PIEZO2: variants seen among roughly 807,000 people sequenced by gnomAD.
PIEZO2 encodes piezo type mechanosensitive ion channel component 2, also known as piezo-type mechanosensitive ion channel component 2.
Under a neutral mutation model 337.3 loss-of-function variants are expected in PIEZO2, and 172 were observed. The ratio of observed to expected loss-of-function variants is 0.51; its 90% CI spans 0.45 to 0.58. PIEZO2 has a LOEUF of 0.58. PIEZO2 is among the 20% of genes least tolerant of loss of function. PIEZO2 has a pLI of 0.00. For synonymous variants in PIEZO2, 1,251 were observed against 1,228.5 expected, an observed-to-expected ratio of 1.02 and a Z score of -0.38; for missense variants, 3,028 against 3,391.3, an observed-to-expected ratio of 0.89 and a Z score of 2.66.
At position 10,931,985 on chromosome 18, in the gene PIEZO2, A is replaced by C. The variant is rs544264107; in HGVS notation, c.287-20757T>G. ...TCCCTTTACACATCCTTAGATACGG[A>C]TATATCTTTAGATCAAGACATAGTG... On this transcript the variant is annotated intron_variant, in intron 3 of 55. Transcript: ENST00000674853. Among the ~76,000 whole-genome samples the C allele has an allele frequency of 1.4e-3, 220 of 152,296 alleles. 2 individuals are homozygous for C. The highest frequency in any genetic ancestry group is 5.2e-3 in the African/African-American group (214 of 41,552).
rs1392720518 is a variant in PIEZO2 at position 10,759,623 on chromosome 18, T to G, written c.3656-40A>C. The G allele has an allele frequency of 6.5e-7, 1 of 1,534,936 alleles. No individual in the cohort carries two copies. The highest frequency in any genetic ancestry group is 8.7e-7 in the Non-Finnish European group (1 of 1,144,736). On this transcript the variant is annotated intron_variant, in intron 25 of 55. Transcript: ENST00000674853. This position sits in a 1 kb window ranked among gnomAD's most constrained non-coding sequence, Gnocchi z 5.5. Reference sequence around the variant, plus strand: ...GTGGCGAACAGCACAATCAATACTCTTCTTCACCACTCTTCTCCCAGCCGT... The same window carrying G: ...GTGGCGAACAGCACAATCAATACTCGTCTTCACCACTCTTCTCCCAGCCGT...
chr18:10,827,031 T>G (rs2040695658), intron 7 of PIEZO2, among the ~76,000 whole-genome samples: 1 of 152,186 alleles, frequency 6.6e-6, no homozygotes, highest in Non-Finnish European at 1.5e-5. Context: ...CACTCTGACC[T>G]ATGTTTATGT....
intron 5 of PIEZO2, 148 bp from the exon 6 acceptor site, chr18:10,857,359 G>A: frequency 1.5e-6 from 1 of 675,574 alleles, no homozygotes; most frequent in Non-Finnish European, 2.5e-6. Flanking sequence ...ATTCCCCTCA[G>A]GTCTCTGATA....
rs2041892073 is a variant in PIEZO2, at chr18:10,862,187, AC to A, written c.493-4977del. 6.6e-6 allele frequency among the ~76,000 whole-genome samples: 1 copy of A among 152,148 alleles called. No individual in the cohort carries two copies. Among genetic ancestry groups the A allele is most frequent in the Admixed American group, 6.5e-5 (1 of 15,272 alleles). On this transcript the variant is annotated intron_variant, in intron 5 of 55. Transcript: ENST00000674853. This position sits in a 1 kb window ranked among gnomAD's most constrained non-coding sequence, Gnocchi z 4.4. ...CATGTATCAAAATACCACATTATAT[AC>A]CCCATAAATATATATAATAGTTATT...
In PIEZO2 at chr18:10,894,758, T is replaced by C. The variant is rs1168378631; in HGVS notation, c.329+16428A>G. 1 of 152,270 alleles carries C rather than the reference T, an allele frequency of 6.6e-6. No homozygotes were observed. The highest frequency in any genetic ancestry group is 1.5e-5 in the Non-Finnish European group (1 of 68,062). 9.4% of individuals were successfully genotyped at this position (152,270 alleles called of 1,614,324 possible). A position where few individuals can be genotyped will look rare whatever the true frequency, so the allele number is the denominator to read the frequency against. On this transcript the variant is annotated intron_variant, in intron 4 of 55. Transcript: ENST00000674853. The surrounding 1 kb of genome is among the most constrained non-coding windows in gnomAD (Gnocchi z 4.1). Reference sequence around the variant, plus strand: ...GGCCCCTTCCAAGAGTAATTTACTTTCGTTTCATTCCTGCTCTAAAGCTTT... The same window carrying C: ...GGCCCCTTCCAAGAGTAATTTACTTCCGTTTCATTCCTGCTCTAAAGCTTT...
chr18:10,786,894 G>A (rs2039242728), intron 16 of PIEZO2, 142 bp downstream of exon 16: 2 of 815,456 alleles, frequency 2.5e-6, no homozygotes, highest in African/African-American at 1.8e-5. Flanking sequence ...ACACAAAAAC[G>A]ACTCAGTTTT....
chr18:11,095,214 TAAACAA>T (rs1468078115), intron 1 of PIEZO2, among the ~76,000 whole-genome samples: 2 of 152,196 alleles, frequency 1.3e-5, no homozygotes, highest in Admixed American at 1.3e-4. Flanking sequence ...GTCACAGATA[TAAACAA>T]AAACCTTATC....
intron 7 of PIEZO2, among the ~76,000 whole-genome samples, chr18:10,820,272 C>T (rs997604090): frequency 5.3e-5 from 8 of 151,224 alleles, no homozygotes; most frequent in Non-Finnish European, 4.4e-5. Flanking sequence ...TGTCTATGCC[C>T]ACATCTTTCT....
At chr18:10,729,348 G>A (rs887067170) in intron 36 of PIEZO2, among the ~76,000 whole-genome samples, 71 of 151,734 alleles carry the variant, frequency 4.7e-4, no homozygotes, top group African/African-American at 1.5e-3. Flanking sequence ...AATACAGGCC[G>A]GGCACAGTGG....
intron 2 of PIEZO2, among the ~76,000 whole-genome samples, chr18:11,019,784 A>G (rs898685282): frequency 1.5e-4 from 23 of 152,312 alleles, no homozygotes; most frequent in African/African-American, 5.3e-4. Context: ...GCAGAAGGCA[A>G]CTGATATACT....
chr18:10,800,339 G>C lies in PIEZO2; in HGVS notation c.1376C>G (p.Ser459Ter). Reference sequence around the variant, plus strand: ...CTGAGTGCAGGGCTGGCTCCTACCTGAGGATTCATCAGAGGGCTCCCACCG... The same window carrying C: ...CTGAGTGCAGGGCTGGCTCCTACCTCAGGATTCATCAGAGGGCTCCCACCG... ...QYRWEPSDES[S>*]EKREEEEEEK... The change falls in exon 11 of 56, where the codon TCA becomes TGA. Residue 459 changes from serine (S) to a stop codon, truncating the protein, a stop_gained and splice_region_variant. Coordinates refer to ENST00000674853, the MANE Select transcript of PIEZO2 (RefSeq NM_001378183.1). LOFTEE classifies it high-confidence loss of function. The C allele has an allele frequency of 6.5e-7, 1 of 1,534,622 alleles. No homozygotes were observed. Among genetic ancestry groups the C allele is most frequent in the Non-Finnish European group, 8.7e-7 (1 of 1,145,744 alleles).
intron 1 of PIEZO2, among the ~76,000 whole-genome samples, chr18:11,100,083 A>G (rs1361022732): frequency 3.3e-5 from 5 of 152,204 alleles, no homozygotes; most frequent in African/African-American, 1.2e-4. Context: ...GATTTCAATA[A>G]TTATGTATAA....
chr18:11,033,039 C>A lies in PIEZO2; in HGVS notation c.160+33088G>T, dbSNP rs1014811776. ...GCGTACAGAGACAGAGTTCCAGGGT[C>A]TGGTGGCACCCAGATAATCCTTTTC... On this transcript the variant is annotated intron_variant, in intron 2 of 55. Coordinates refer to ENST00000674853, the MANE Select transcript of PIEZO2 (RefSeq NM_001378183.1). The surrounding 1 kb of genome is among the most constrained non-coding windows in gnomAD (Gnocchi z 4.2). Among the ~76,000 whole-genome samples, 1 of 152,186 alleles carries A rather than the reference C, an allele frequency of 6.6e-6. No homozygotes were observed. Among genetic ancestry groups the A allele is most frequent in the African/African-American group, 2.4e-5 (1 of 41,442 alleles).
In PIEZO2 at chr18:11,148,168, T is replaced by A. The variant is rs576396983; in HGVS notation, c.64+357A>T. On this transcript the variant is annotated intron_variant, in intron 1 of 55. Transcript: ENST00000674853. The surrounding 1 kb of genome is among the most constrained non-coding windows in gnomAD (Gnocchi z 5.2). ...GGGTCACTGGGGCGAGGGGCTCAGG[T>A]AGGAGCCTGACTGTACCTACGATGG... is the stretch of plus-strand genomic sequence containing the variant. 6.6e-6 allele frequency among the ~76,000 whole-genome samples: 1 copy of A among 152,154 alleles called. No homozygotes were observed. Among genetic ancestry groups the A allele is most frequent in the Admixed American group, 6.5e-5 (1 of 15,282 alleles).
At chr18:10,811,634 AAATAAGAACACAG>A (rs1014064375) in intron 7 of PIEZO2, among the ~76,000 whole-genome samples, 3 of 152,198 alleles carry the variant, frequency 2.0e-5, no homozygotes, top group Admixed American at 6.5e-5. Context: ...CCACTTTAGG[AAATAAGAACACAG>A]AATAAGAGGG....
chr18:10,960,435 C>T (rs1363206579), intron 3 of PIEZO2, among the ~76,000 whole-genome samples: 1 of 152,002 alleles, frequency 6.6e-6, no homozygotes, highest in Non-Finnish European at 1.5e-5. Flanking sequence ...GTATTAAAAA[C>T]ATGAAGAGTG....
Position 10,800,441 on chromosome 18 carries a change from TC to T in PIEZO2, c.1273del (p.Asp425IlefsTer73). The T allele has an allele frequency of 1.3e-6, 2 of 1,535,280 alleles. No homozygotes were observed. The highest frequency in any genetic ancestry group is 1.7e-6 in the Non-Finnish European group (2 of 1,146,068). On this transcript the variant is annotated frameshift_variant, in exon 11 of 56. Coordinates refer to ENST00000674853, the MANE Select transcript of PIEZO2 (RefSeq NM_001378183.1). LOFTEE classifies it high-confidence loss of function. The stretch of plus-strand genomic sequence containing the variant: ...CAGGCTTGGGTGGATGGTGTGGTAA[TC>T]CACGGGGTTGCCGTTCACAGTCACC... The part of the protein sequence containing the change: ...LLVTVNGNPV[D>X]YHTIHPSLPM...
intron 3 of PIEZO2, among the ~76,000 whole-genome samples, chr18:10,939,480 C>A (rs989684356): frequency 9.9e-5 from 15 of 152,140 alleles, no homozygotes; most frequent in Admixed American, 5.2e-4. Context: ...GTGTGTATTG[C>A]AACACTATTT....
At chr18:10,922,219 T>C (rs1390596028) in intron 3 of PIEZO2, among the ~76,000 whole-genome samples, 2 of 152,120 alleles carry the variant, frequency 1.3e-5, no homozygotes, top group Non-Finnish European at 2.9e-5. Context: ...TCTACCGACA[T>C]GTGATGTCTC....
Sources: gnomAD v4.1 joint callset for allele counts (sites outside exome capture counted in the v4.1 genomes callset) on GRCh38, gnomAD v4.1.1 for gene constraint, Gnocchi (gnomAD v3.1) non-coding constraint, MANE v1.5 for transcripts, NCBI Gene and HGNC (gene_info 2026-07-23, HGNC 2026-07-21) for gene names.